PROS1: variants seen among roughly 807,000 people sequenced by gnomAD.
The protein encoded by PROS1 is vitamin K-dependent protein S.
A neutral mutation model predicts 75.9 loss-of-function variants in PROS1; 29 were observed. The ratio of observed to expected loss-of-function variants is 0.38; its 90% CI spans 0.28 to 0.52. PROS1 has a LOEUF of 0.52. Among genes scored for constraint, PROS1 ranks in the 20% least tolerant of loss-of-function variants. PROS1 has a pLI of 0.83. For synonymous variants in PROS1, 245 were observed against 280.6 expected (o/e 0.87, Z 1.27); for missense variants, 680 against 810.3 (o/e 0.84, Z 1.95).
chr3:93,888,111 G>A (rs1708377488), intron 10 of PROS1, among the ~76,000 whole-genome samples: 1 of 152,158 alleles, frequency 6.6e-6, no homozygotes, highest in Admixed American at 6.6e-5. Flanking sequence ...AATATTTGCT[G>A]CACTATTTTA....
chr3:93,924,857 G>A lies in PROS1; in HGVS notation c.235-593C>T, dbSNP rs558233466. On this transcript the variant is annotated intron_variant, in intron 2 of 14. Coordinates refer to ENST00000394236, the MANE Select transcript of PROS1 (RefSeq NM_000313.4). Reference sequence around the variant, plus strand: ...TTTTGTTGTTAATTATTTTTTTGTAGAGATGGGGTCTCACTATGTTGCCTA... The same window carrying A: ...TTTTGTTGTTAATTATTTTTTTGTAAAGATGGGGTCTCACTATGTTGCCTA... Among the ~76,000 whole-genome samples the A allele has an allele frequency of 7.9e-5, 12 of 151,990 alleles. 2 individuals are homozygous for A. Among genetic ancestry groups the A allele is most frequent in the African/African-American group, 2.9e-4 (12 of 41,472 alleles).
chr3:93,910,492 C>G, intron 4 of PROS1, 127 bp downstream of exon 4: 1 of 779,702 alleles, frequency 1.3e-6, no homozygotes, highest in Non-Finnish European at 2.2e-6. Flanking sequence ...AAAATACTTC[C>G]TTGCTGGGCA....
At position 93,956,392 on chromosome 3, in the gene PROS1, G is replaced by A. The variant is rs1576216003; in HGVS notation, c.76+17282C>T. Among the ~76,000 whole-genome samples, 5 of 152,186 alleles carry A rather than the reference G, an allele frequency of 3.3e-5. No homozygotes were observed. The South Asian group carries it at 1.0e-3, about 32-fold the overall frequency. ...CATGCCTGTAGTCCCAGCTACTCAA[G>A]AGGCTGAGGTAGGAGGATTGCCTAA... On this transcript the variant is annotated intron_variant, in intron 1 of 14. Transcript: ENST00000394236.
intron 1 of PROS1, among the ~76,000 whole-genome samples, chr3:93,968,760 T>C (rs1197641304): frequency 6.6e-6 from 1 of 152,108 alleles, no homozygotes; most frequent in Non-Finnish European, 1.5e-5. Flanking sequence ...CAGAGGATTA[T>C]GTTAGAAGGA....
In PROS1 at chr3:93,924,277, A is replaced by C. The variant is rs759071686; in HGVS notation, c.235-13T>G. On this transcript the variant is annotated splice_polypyrimidine_tract_variant and intron_variant, in intron 2 of 14. Transcript: ENST00000394236. The stretch of plus-strand genomic sequence containing the variant: ...GATAAAAATAATCCTAGAAAGAAGA[A>C]AAAGAAAACATATCTTAGCAAACCT... The C allele has an allele frequency of 4.6e-5, 58 of 1,264,384 alleles. No homozygotes were observed. In the South Asian group the frequency reaches 8.5e-4, roughly 19 times the overall value. The allele number at this position is 1,264,384 out of a possible 1,614,324, so 78.3% of individuals were successfully genotyped here.
chr3:93,912,095 C>T (rs1173369692), intron 3 of PROS1, among the ~76,000 whole-genome samples: 3 of 152,094 alleles, frequency 2.0e-5, no homozygotes, highest in Non-Finnish European at 4.4e-5. Context: ...TTTACAGTGC[C>T]GAGAGTCCAA....
intron 10 of PROS1, among the ~76,000 whole-genome samples, chr3:93,887,011 C>T (rs1238668092): frequency 6.6e-6 from 1 of 151,404 alleles, no homozygotes; most frequent in Non-Finnish European, 1.5e-5. Flanking sequence ...CTCCGCTTCC[C>T]GGGTTCACGC....
intron 1 of PROS1, among the ~76,000 whole-genome samples, chr3:93,927,927 G>GTATATATATATGTATA (rs1709048202): frequency 8.1e-6 from 1 of 123,464 alleles, no homozygotes; most frequent in Non-Finnish European, 1.7e-5. Context: ...ATATATATGT[G>GTATATATATATGTATA]TATATATATA....
At chr3:93,971,688 G>A (rs956597188) in intron 1 of PROS1, among the ~76,000 whole-genome samples, 5 of 149,774 alleles carry the variant, frequency 3.3e-5, no homozygotes, top group South Asian at 2.1e-4. Flanking sequence ...AGCTGGGTGC[G>A]GTGCTAGATA....
chr3:93,925,111 TA>T (rs987917242), intron 2 of PROS1, among the ~76,000 whole-genome samples: 3 of 152,180 alleles, frequency 2.0e-5, no homozygotes, highest in African/African-American at 7.2e-5. Context: ...TGTGCTTTCT[TA>T]AAAAGAGAAA....
At chr3:93,939,357 C>A (rs771604684) in intron 1 of PROS1, among the ~76,000 whole-genome samples, 14 of 152,096 alleles carry the variant, frequency 9.2e-5, no homozygotes, top group Non-Finnish European at 1.9e-4. Flanking sequence ...TCAGTCCCAA[C>A]CCCAAGCGTC....
At chr3:93,915,231 C>T (rs906630193) in intron 3 of PROS1, among the ~76,000 whole-genome samples, 1 of 152,162 alleles carries the variant, frequency 6.6e-6, no homozygotes, top group African/African-American at 2.4e-5. Context: ...CTTTGGGAGG[C>T]TGAGGCATGC....
At chr3:93,875,510 C>G (rs1708169214) in intron 14 of PROS1, among the ~76,000 whole-genome samples, 1 of 151,966 alleles carries the variant, frequency 6.6e-6, no homozygotes, top group Non-Finnish European at 1.5e-5. Context: ...GTTTGATTTC[C>G]TAAAATTGCA....
At chr3:93,884,338 G>A (rs2107136591) in intron 12 of PROS1, among the ~76,000 whole-genome samples, 1 of 152,240 alleles carries the variant, frequency 6.6e-6, no homozygotes, top group African/African-American at 2.4e-5. Flanking sequence ...AACAGATAGG[G>A]AATTTCAACA....
chr3:93,898,957 G>T (rs1377657802), intron 7 of PROS1, among the ~76,000 whole-genome samples: 1 of 151,620 alleles, frequency 6.6e-6, no homozygotes, highest in Non-Finnish European at 1.5e-5. Flanking sequence ...AAAGAAAAAA[G>T]AAATGAGAAG....
In PROS1 at chr3:93,917,628, G is replaced by C. The variant is rs1016416097; in HGVS notation, c.259+6612C>G. On this transcript the variant is annotated intron_variant, in intron 3 of 14. Transcript: ENST00000394236. ...GGAGGTGTGGAGGGAAAGGCGCGAGGGGGAACAGCTGGAGTTCCTGGTGGG... is the reference window on the plus strand; with the variant it reads ...GGAGGTGTGGAGGGAAAGGCGCGAGCGGGAACAGCTGGAGTTCCTGGTGGG... 2.3e-4 allele frequency among the ~76,000 whole-genome samples: 35 copies of C among 152,248 alleles called. No individual in the cohort carries two copies. The Middle Eastern group carries it at 0.024, about 104-fold the overall frequency.
At chr3:93,936,495 G>A in intron 1 of PROS1, among the ~76,000 whole-genome samples, 1 of 152,076 alleles carries the variant, frequency 6.6e-6, no homozygotes, top group East Asian at 1.9e-4. Flanking sequence ...GGACTCAGGG[G>A]AGTTCTCTAT....
chr3:93,936,006 T>C (rs1709177136), intron 1 of PROS1, among the ~76,000 whole-genome samples: 1 of 151,376 alleles, frequency 6.6e-6, no homozygotes, highest in Admixed American at 6.6e-5. Flanking sequence ...CTACTGTTTT[T>C]TTTTTCATAG....
At chr3:93,880,333 T>C (rs1045023623) in intron 12 of PROS1, among the ~76,000 whole-genome samples, 5 of 151,830 alleles carry the variant, frequency 3.3e-5, no homozygotes, top group African/African-American at 7.2e-5. Context: ...ACATCTCTAC[T>C]GAAAAAAAAA....
Sources: gnomAD v4.1 joint callset for allele counts (sites outside exome capture counted in the v4.1 genomes callset) on GRCh38, gnomAD v4.1.1 for gene constraint, MANE v1.5 for transcripts, NCBI Gene and HGNC (gene_info 2026-07-23, HGNC 2026-07-21) for gene names.